Variants in REG3G observed in about 807,000 individuals in gnomAD.
REG3G encodes regenerating islet-derived protein 3-gamma.
A neutral mutation model predicts 20.9 loss-of-function variants in REG3G; 19 were observed. That is an observed-to-expected ratio of 0.91 (90% CI 0.64 to 1.34). The LOEUF (loss-of-function observed/expected upper bound fraction) is 1.34, where lower values mean the gene tolerates loss of function less well. Among genes scored for constraint, REG3G ranks in the 40% most tolerant of loss-of-function variants. The pLI is 0.00. For synonymous variants in REG3G, 89 were observed against 77.4 expected (o/e 1.15, Z -0.79); for missense variants, 235 against 205.0 (o/e 1.15, Z -0.89).
At chr2:79,027,243 A>G (rs1379656686) in intron 4 of REG3G, 72 bp downstream of exon 4, 19 of 1,513,856 alleles carry the variant, frequency 1.3e-5, no homozygotes, top group South Asian at 6.0e-5. Flanking sequence ...CCCTGTCCCC[A>G]GTCCCTGCCC....
chr2:79,026,222 G>C (rs1671616396), intron 2 of REG3G, 53 bp downstream of exon 2: 2 of 1,567,186 alleles, frequency 1.3e-6, no homozygotes, highest in Non-Finnish European at 1.8e-6. Flanking sequence ...TCAGAGCCAA[G>C]AAAAGGAGGA....
At position 79,027,802 on chromosome 2, in the gene REG3G, T is replaced by C. The variant is rs1385401739; in HGVS notation, c.334-5T>C. The C allele has an allele frequency of 1.2e-6, 2 of 1,614,008 alleles. No individual in the cohort carries two copies. Among genetic ancestry groups the C allele is most frequent in the Non-Finnish European group, 1.7e-6 (2 of 1,179,930 alleles). On this transcript the variant is annotated splice_polypyrimidine_tract_variant and splice_region_variant and intron_variant, in intron 4 of 5. Coordinates refer to ENST00000272324, the MANE Select transcript of REG3G (RefSeq NM_001008387.3). The stretch of plus-strand genomic sequence containing the variant: ...CTTCACCTGGCTGCCTCCTCTTCTC[T>C]ATAGGGCTCTGAGCCTGATGGAGAT...
In REG3G at chr2:79,028,257, T is replaced by A. The variant is rs1304484035; in HGVS notation, c.509T>A (p.Val170Asp). 1 of 1,613,058 alleles carries A rather than the reference T, an allele frequency of 6.2e-7. No individual in the cohort carries two copies. Among genetic ancestry groups the A allele is most frequent in the Non-Finnish European group, 8.5e-7 (1 of 1,179,140 alleles). ...DYNCDAKLPY[V>D]CKFKD ...AACTGTGATGCAAAGTTACCCTATG[T>A]CTGCAAGTTCAAGGACTAGGGCAGG... Residue 170 changes from valine to aspartate, a missense_variant, in exon 6 of 6, where the codon GTC becomes GAC. By Grantham distance (152) the Val-to-Asp change is radical. Coordinates refer to ENST00000272324, the MANE Select transcript of REG3G (RefSeq NM_001008387.3).
chr2:79,026,875 A>C lies in REG3G; in HGVS notation c.195+44A>C, dbSNP rs369558396. ...GGTTGGAGGTGATAGGGGAAAGTCC[A>C]TGCAGGTCTCAGGGGGAGGAGGGTC... On this transcript the variant is annotated intron_variant, in intron 3 of 5. Transcript: ENST00000272324. 4 of 657,514 alleles carry C rather than the reference A, an allele frequency of 6.1e-6. No homozygotes were observed. The Admixed American group carries it at 1.9e-4, about 30-fold the overall frequency. The allele number at this position is 657,514 out of a possible 1,614,324, so 40.7% of individuals were successfully genotyped here. A position where few individuals can be genotyped will look rare whatever the true frequency, so the allele number is the denominator to read the frequency against.
intron 5 of REG3G, 23 bp downstream of exon 5, chr2:79,027,956 C>G (rs779099380): frequency 1.2e-6 from 2 of 1,613,282 alleles, no homozygotes; most frequent in South Asian, 2.2e-5. Context: ...AGAGCTGCCT[C>G]TTCCCAGCAC....
At position 79,026,080 on chromosome 2, in the gene REG3G, A is replaced by C; in HGVS notation, c.-14A>C. The C allele has an allele frequency of 2.5e-6, 4 of 1,613,700 alleles. No homozygotes were observed. Among genetic ancestry groups the C allele is most frequent in the Non-Finnish European group, 3.4e-6 (4 of 1,179,728 alleles). On this transcript the variant is annotated 5_prime_UTR_variant, in exon 2 of 6. Transcript: ENST00000272324. ...CCTTTAGTGACCCGATTGCCTCCTC[A>C]AGTCGCAGACACTATGCTGCCTCCC...
Position 79,026,099 on chromosome 2 carries a change from G to C in REG3G, c.6G>C (p.Leu2=). M[L]PPMALPSVSW... ...CTCCTCAAGTCGCAGACACTATGCTGCCTCCCATGGCCCTGCCCAGTGTGT... is the reference window on the plus strand; with the variant it reads ...CTCCTCAAGTCGCAGACACTATGCTCCCTCCCATGGCCCTGCCCAGTGTGT... Residue 2 remains leucine, a synonymous_variant, in exon 2 of 6, where the codon CTG becomes CTC. Coordinates refer to ENST00000272324, the MANE Select transcript of REG3G (RefSeq NM_001008387.3). 6.2e-7 allele frequency: 1 copy of C among 1,613,916 alleles called. No individual in the cohort carries two copies. Among genetic ancestry groups the C allele is most frequent in the Non-Finnish European group, 8.5e-7 (1 of 1,179,874 alleles).
Position 79,028,484 on chromosome 2 carries a change from T to C in REG3G, c.*208T>C, listed in dbSNP as rs1392429861. On this transcript the variant is annotated 3_prime_UTR_variant, in exon 6 of 6. Transcript: ENST00000272324. ...GTCTTGAGATCTCAGAGAATAATAA[T>C]AAAAATGTTACTTTATACGTATATG... 3 of 513,306 alleles carry C rather than the reference T, an allele frequency of 5.8e-6. No individual in the cohort carries two copies. In the East Asian group the frequency reaches 9.0e-5, roughly 15 times the overall value. The allele number at this position is 513,306 out of a possible 1,614,324, so 31.8% of individuals were successfully genotyped here. A position where few individuals can be genotyped will look rare whatever the true frequency, so the allele number is the denominator to read the frequency against.
Position 79,027,799 on chromosome 2 carries a change from C to T in REG3G, c.334-8C>T. The T allele has an allele frequency of 6.2e-7, 1 of 1,613,880 alleles. No homozygotes were observed. The highest frequency in any genetic ancestry group is 8.5e-7 in the Non-Finnish European group (1 of 1,179,880). On this transcript the variant is annotated splice_polypyrimidine_tract_variant and splice_region_variant and intron_variant, in intron 4 of 5. Coordinates refer to ENST00000272324, the MANE Select transcript of REG3G (RefSeq NM_001008387.3). Reference sequence around the variant, plus strand: ...TTTCTTCACCTGGCTGCCTCCTCTTCTCTATAGGGCTCTGAGCCTGATGGA... The same window carrying T: ...TTTCTTCACCTGGCTGCCTCCTCTTTTCTATAGGGCTCTGAGCCTGATGGA...
chr2:79,027,046 A>G lies in REG3G; in HGVS notation c.208A>G (p.Lys70Glu). Residue 70 changes from lysine (K) to glutamate (E), a missense_variant, in exon 4 of 6, where the codon AAG (lysine) becomes GAG (glutamate). Lys to Glu is a moderately conservative substitution (Grantham distance 56). Coordinates refer to ENST00000272324, the MANE Select transcript of REG3G (RefSeq NM_001008387.3). The part of the protein sequence containing the change: ...SWMDADLACQ[K>E]RPSGKLVSVL... ...GTCCCCCTCAAAGCTGGCTTGCCAGAAGCGGCCCTCTGGAAAACTGGTGTC... is the reference window on the plus strand; with the variant it reads ...GTCCCCCTCAAAGCTGGCTTGCCAGGAGCGGCCCTCTGGAAAACTGGTGTC... 6.2e-7 allele frequency: 1 copy of G among 1,614,052 alleles called. No individual in the cohort carries two copies. Among genetic ancestry groups the G allele is most frequent in the Non-Finnish European group, 8.5e-7 (1 of 1,179,964 alleles).
chr2:79,027,233 C>A (rs1671648387), intron 4 of REG3G, 62 bp downstream of exon 4: 4 of 1,558,264 alleles, frequency 2.6e-6, no homozygotes, highest in Non-Finnish European at 3.5e-6. Context: ...CAGGCGCACT[C>A]CCTGTCCCCA....
intron 2 of REG3G, chr2:79,026,468 A>G: frequency 1.7e-6 from 1 of 596,912 alleles, no homozygotes. Flanking sequence ...GACCCAATAT[A>G]GAGATAGCCC....
Position 79,026,839 on chromosome 2 carries a change from G to A in REG3G, c.195+8G>A. The A allele has an allele frequency of 1.2e-6, 2 of 1,604,506 alleles. No individual in the cohort carries two copies. The highest frequency in any genetic ancestry group is 8.5e-7 in the Non-Finnish European group (1 of 1,176,340). On this transcript the variant is annotated splice_region_variant and intron_variant, in intron 3 of 5. Transcript: ENST00000272324. ...TCCTGGATGGATGCAGATGTGAGTG[G>A]TTAGATGTGGGGTTGGAGGTGATAG...
In REG3G at chr2:79,027,027, C is replaced by T; in HGVS notation, c.196-7C>T. The stretch of plus-strand genomic sequence containing the variant: ...GCTCCATCTCATTCTCTTTGTCCCC[C>T]TCAAAGCTGGCTTGCCAGAAGCGGC... On this transcript the variant is annotated splice_polypyrimidine_tract_variant and splice_region_variant and intron_variant, in intron 3 of 5. Transcript: ENST00000272324. 3 of 1,614,002 alleles carry T rather than the reference C, an allele frequency of 1.9e-6. No individual in the cohort carries two copies. The highest frequency in any genetic ancestry group is 2.5e-6 in the Non-Finnish European group (3 of 1,179,942).
In REG3G at chr2:79,027,040, T is replaced by C; in HGVS notation, c.202T>C (p.Cys68Arg). Residue 68 changes from cysteine to arginine, a missense_variant, in exon 4 of 6, where the codon TGC (cysteine) becomes CGC (arginine). Coordinates refer to ENST00000272324, the MANE Select transcript of REG3G (RefSeq NM_001008387.3). ...PKSWMDADLA[C>R]QKRPSGKLVS... ...CTCTTTGTCCCCCTCAAAGCTGGCT[T>C]GCCAGAAGCGGCCCTCTGGAAAACT... The C allele has an allele frequency of 6.2e-7, 1 of 1,614,068 alleles. No homozygotes were observed. The highest frequency in any genetic ancestry group is 8.5e-7 in the Non-Finnish European group (1 of 1,179,954).
At position 79,027,075 on chromosome 2, in the gene REG3G, G is replaced by A; in HGVS notation, c.237G>A (p.Val79=). 5 of 1,614,100 alleles carry A rather than the reference G, an allele frequency of 3.1e-6. No homozygotes were observed. The highest frequency in any genetic ancestry group is 4.2e-6 in the Non-Finnish European group (5 of 1,179,986). The change falls in exon 4 of 6, where the codon GTG becomes GTA. Residue 79 remains valine, a synonymous_variant. Transcript: ENST00000272324. The part of the protein sequence containing the change: ...QKRPSGKLVS[V]LSGAEGSFVS... ...GGCCCTCTGGAAAACTGGTGTCTGT[G>A]CTCAGTGGGGCTGAGGGATCCTTCG...
Position 79,026,012 on chromosome 2 carries a change from A to T in REG3G, c.-82A>T. 7.4e-7 allele frequency: 1 copy of T among 1,343,060 alleles called. No homozygotes were observed. Among genetic ancestry groups the T allele is most frequent in the South Asian group, 1.2e-5 (1 of 83,812 alleles). The allele number at this position is 1,343,060 out of a possible 1,614,324, so 83.2% of individuals were successfully genotyped here. A position where few individuals can be genotyped will look rare whatever the true frequency, so the allele number is the denominator to read the frequency against. On this transcript the variant is annotated 5_prime_UTR_variant, in exon 2 of 6. In the 5' UTR this introduces an upstream ATG that the reference lacks. Coordinates refer to ENST00000272324, the MANE Select transcript of REG3G (RefSeq NM_001008387.3). ...AGGGGACTACAGAAGGAAAAAGACAAGAGGCAGTAGGATATCTGTGTGTCC... is the reference window on the plus strand; with the variant it reads ...AGGGGACTACAGAAGGAAAAAGACATGAGGCAGTAGGATATCTGTGTGTCC...
rs186433258 is a variant in REG3G, at chr2:79,025,956, T to A, written c.-111-27T>A. 3.8e-5 allele frequency: 29 copies of A among 759,560 alleles called. No individual in the cohort carries two copies. The Admixed American group carries it at 5.6e-4, about 15-fold the overall frequency. 47.1% of individuals were successfully genotyped at this position (759,560 alleles called of 1,614,324 possible). On this transcript the variant is annotated intron_variant, in intron 1 of 5. Transcript: ENST00000272324. ...ACAGCTCATTCAGAACTGTAGAAGA[T>A]GATGAATGTGACCAAGATCACTTCA...
chr2:79,028,166 C>A, intron 5 of REG3G, 43 bp from the exon 6 acceptor site: 2 of 1,482,698 alleles, frequency 1.3e-6, no homozygotes, highest in Non-Finnish European at 1.9e-6. Context: ...ACTGGGTTCA[C>A]AAGTTCCCCC....
Sources: allele counts gnomAD v4.1 joint callset, GRCh38; gene constraint gnomAD v4.1.1; transcripts MANE v1.5; gene names NCBI Gene and HGNC (gene_info 2026-07-23, HGNC 2026-07-21).